Variants in SLC22A15 observed in about 807,000 individuals in gnomAD.
The protein encoded by SLC22A15 is solute carrier family 22 member 15.
A neutral mutation model predicts 62.7 loss-of-function variants in SLC22A15; 45 were observed. That is an observed-to-expected ratio of 0.72 (90% CI 0.56 to 0.92). The LOEUF (loss-of-function observed/expected upper bound fraction) is 0.92. Among genes scored for constraint, SLC22A15 ranks in the 40% least tolerant of loss-of-function variants. The pLI is 0.00. For synonymous variants in SLC22A15, 264 were observed against 267.0 expected (o/e 0.99, Z 0.11); for missense variants, 622 against 665.6 (o/e 0.93, Z 0.72).
intron 8 of SLC22A15, among the ~76,000 whole-genome samples, chr1:116,041,965 T>C (rs1268778348): frequency 1.8e-4 from 27 of 151,988 alleles, no homozygotes; most frequent in Admixed American, 1.6e-3. Context: ...TGTTTGTTTG[T>C]TTTGCCATAA....
At chr1:116,028,337 A>C (rs1332258983) in intron 5 of SLC22A15, among the ~76,000 whole-genome samples, 1 of 152,064 alleles carries the variant, frequency 6.6e-6, no homozygotes, top group African/African-American at 2.4e-5. Flanking sequence ...CAATTTTTGA[A>C]AGTAATAAAT....
At chr1:115,976,958 C>G (rs1048125398) in intron 1 of SLC22A15, among the ~76,000 whole-genome samples, 1 of 152,250 alleles carries the variant, frequency 6.6e-6, no homozygotes, top group Admixed American at 6.5e-5. Flanking sequence ...TCCACCCCGC[C>G]ACCTTGAGTG....
chr1:115,985,225 A>G (rs1296814680), intron 1 of SLC22A15, among the ~76,000 whole-genome samples: 2 of 152,188 alleles, frequency 1.3e-5, no homozygotes, highest in Non-Finnish European at 2.9e-5. Flanking sequence ...TATGTTAGGT[A>G]TGTTTAGAAA....
At chr1:115,998,187 A>T (rs1655518079) in intron 2 of SLC22A15, among the ~76,000 whole-genome samples, 1 of 152,068 alleles carries the variant, frequency 6.6e-6, no homozygotes, top group African/African-American at 2.4e-5. Flanking sequence ...GTTTGCTAGT[A>T]TTTTGTTGAG....
At position 115,994,978 on chromosome 1, in the gene SLC22A15, G is replaced by A. The variant is rs561881088; in HGVS notation, c.300+2735G>A. On this transcript the variant is annotated intron_variant, in intron 2 of 11. Transcript: ENST00000369503. Reference sequence around the variant, plus strand: ...GTTCTTTAGTATCTTTTGACCTTCAGCCTTTTTTTTTCTTTTATAACATTG... The same window carrying A: ...GTTCTTTAGTATCTTTTGACCTTCAACCTTTTTTTTTCTTTTATAACATTG... 4.6e-5 allele frequency among the ~76,000 whole-genome samples: 7 copies of A among 151,880 alleles called. 1 individual carries two copies. The highest frequency in any genetic ancestry group is 1.7e-4 in the African/African-American group (7 of 41,284).
At chr1:115,979,925 G>A (rs1435948109) in intron 1 of SLC22A15, among the ~76,000 whole-genome samples, 1 of 151,720 alleles carries the variant, frequency 6.6e-6, no homozygotes, top group Non-Finnish European at 1.5e-5. Flanking sequence ...AAATTGTGAT[G>A]CTGTGCTATG....
intron 1 of SLC22A15, among the ~76,000 whole-genome samples, chr1:115,985,782 A>G (rs1334576442): frequency 6.6e-6 from 1 of 151,822 alleles, no homozygotes; most frequent in Non-Finnish European, 1.5e-5. Flanking sequence ...CCCTGTCTCT[A>G]CTAAAAATAC....
chr1:116,069,790 A>G lies in SLC22A15; in HGVS notation c.*2682A>G, dbSNP rs1658577457. The G allele has an allele frequency of 6.6e-6, 1 of 152,220 alleles. No homozygotes were observed. The highest frequency in any genetic ancestry group is 2.4e-5 in the African/African-American group (1 of 41,474). The allele number at this position is 152,220 out of a possible 1,614,324, so 9.4% of individuals were successfully genotyped here. On this transcript the variant is annotated 3_prime_UTR_variant, in exon 12 of 12. Transcript: ENST00000369503. ...TTTCTGAGACACTGTTTAGGTAACC[A>G]TAAATCAGACAGATATTTTTATGGT...
intron 2 of SLC22A15, chr1:116,014,115 G>A (rs1223089830): frequency 2.0e-5 from 3 of 152,090 alleles, no homozygotes; most frequent in African/African-American, 7.2e-5. Flanking sequence ...ATCAAAAAAA[G>A]AAACCTCCAA....
intron 1 of SLC22A15, among the ~76,000 whole-genome samples, chr1:115,989,071 G>T (rs560842247): frequency 9.9e-5 from 15 of 152,004 alleles, no homozygotes; most frequent in Admixed American, 9.8e-4. Context: ...TCTTCTGGTG[G>T]CATAAAGCTG....
chr1:116,016,891 T>C (rs892011373), intron 2 of SLC22A15, among the ~76,000 whole-genome samples: 1 of 152,184 alleles, frequency 6.6e-6, no homozygotes, highest in Non-Finnish European at 1.5e-5. Flanking sequence ...ATCTCCTAAA[T>C]GATTACTGTA....
intron 8 of SLC22A15, among the ~76,000 whole-genome samples, chr1:116,040,279 C>A (rs2101488440): frequency 6.6e-6 from 1 of 152,290 alleles, no homozygotes; most frequent in South Asian, 2.1e-4. Flanking sequence ...AGTAAATGTT[C>A]TCCTCTGGGA....
At position 116,032,221 on chromosome 1, in the gene SLC22A15, G is replaced by A. The variant is rs549117755; in HGVS notation, c.944+640G>A. The A allele has an allele frequency of 9.9e-5, 98 of 985,434 alleles. 1 individual carries two copies. The highest frequency in any genetic ancestry group is 1.2e-4 in the Admixed American group (2 of 16,288). The allele number at this position is 985,434 out of a possible 1,614,324, so 61.0% of individuals were successfully genotyped here. A position where few individuals can be genotyped will look rare whatever the true frequency, so the allele number is the denominator to read the frequency against. Reference sequence around the variant, plus strand: ...ACCTACCTTTCAAAATGCTCTCAGCGTGAGTGTAAGTTGCATTCAGCGGTT... The same window carrying A: ...ACCTACCTTTCAAAATGCTCTCAGCATGAGTGTAAGTTGCATTCAGCGGTT... On this transcript the variant is annotated intron_variant, in intron 6 of 11. Coordinates refer to ENST00000369503, the MANE Select transcript of SLC22A15 (RefSeq NM_018420.3).
At chr1:116,033,583 G>GTGTGTATGTGTA (rs373257822) in intron 6 of SLC22A15, among the ~76,000 whole-genome samples, 14 of 145,634 alleles carry the variant, frequency 9.6e-5, no homozygotes, top group Non-Finnish European at 3.0e-5. Flanking sequence ...GTGTGTGTGT[G>GTGTGTATGTGTA]TGTGTATGTG....
intron 1 of SLC22A15, among the ~76,000 whole-genome samples, chr1:115,988,446 C>T (rs1173652945): frequency 2.0e-5 from 3 of 152,146 alleles, no homozygotes; most frequent in African/African-American, 7.2e-5. Context: ...GTAGGTGATT[C>T]TTCCCCATGG....
At chr1:115,990,755 T>TTTTTTTG (rs1253536050) in intron 1 of SLC22A15, among the ~76,000 whole-genome samples, 4 of 152,004 alleles carry the variant, frequency 2.6e-5, no homozygotes, top group Admixed American at 6.6e-5. Flanking sequence ...ATCACATCTG[T>TTTTTTTG]TTTTTTGTTT....
At chr1:115,990,966 C>A (rs1487946767) in intron 1 of SLC22A15, among the ~76,000 whole-genome samples, 1 of 152,126 alleles carries the variant, frequency 6.6e-6, no homozygotes, top group Non-Finnish European at 1.5e-5. Flanking sequence ...CCATGTTGGC[C>A]AGGCTGGTCT....
intron 4 of SLC22A15, among the ~76,000 whole-genome samples, chr1:116,022,678 C>T (rs1437381550): frequency 6.6e-6 from 1 of 152,156 alleles, no homozygotes; most frequent in African/African-American, 2.4e-5. Context: ...TGAAAAGAGT[C>T]CCCTTGGAGT....
chr1:115,977,503 T>C (rs1654373820), intron 1 of SLC22A15, among the ~76,000 whole-genome samples: 1 of 152,278 alleles, frequency 6.6e-6, no homozygotes, highest in South Asian at 2.1e-4. Flanking sequence ...ATGGCTCATT[T>C]GACATTAGTC....
Sources: allele counts gnomAD v4.1 joint callset (sites outside exome capture counted in the v4.1 genomes callset), GRCh38; gene constraint gnomAD v4.1.1; transcripts MANE v1.5; gene names NCBI Gene and HGNC (gene_info 2026-07-23, HGNC 2026-07-21).